Variants in DNAH14 observed in about 807,000 individuals in gnomAD.
The protein encoded by DNAH14 is dynein axonemal heavy chain 14.
A neutral mutation model predicts 520.9 loss-of-function variants in DNAH14; 478 were observed. The ratio of observed to expected loss-of-function variants is 0.92; its 90% CI spans 0.85 to 0.99. The LOEUF is 0.99. DNAH14 is among the 50% of genes least tolerant of loss of function. The probability of loss-of-function intolerance (pLI) is 0.00; values close to 1 mark genes in which losing one functional copy is unlikely to be tolerated. For synonymous variants in DNAH14, 1,581 were observed against 1,757.2 expected (o/e 0.90, Z 2.51); for missense variants, 4,831 against 5,234.5 (o/e 0.92, Z 2.38).
At chr1:225,065,561 T>C (rs966608265) in intron 17 of DNAH14, among the ~76,000 whole-genome samples, 7 of 152,040 alleles carry the variant, frequency 4.6e-5, no homozygotes, top group Non-Finnish European at 8.8e-5. Flanking sequence ...TACTCTCTTC[T>C]TTTATGAATT....
Position 225,144,489 on chromosome 1 carries a change from G to A in DNAH14, c.4601G>A (p.Cys1534Tyr), listed in dbSNP as rs1032338764. 1.2e-5 allele frequency: 18 copies of A among 1,551,382 alleles called. No individual in the cohort carries two copies. The African/African-American group carries it at 2.2e-4, about 19-fold the overall frequency. Residue 1534 changes from cysteine (C) to tyrosine (Y), a missense_variant, in exon 29 of 86, where the codon TGT becomes TAT. Transcript: ENST00000682510. The part of the protein sequence containing the change: ...SFTYGYEYLG[C>Y]TSRLVITPLT... ...ACTTATGGCTATGAGTACTTGGGCT[G>A]TACCTCAAGATTGGTTATTACGCCT...
chr1:224,967,521 T>C lies in DNAH14; in HGVS notation c.589T>C (p.Ser197Pro). Residue 197 changes from serine to proline, a missense_variant, in exon 6 of 86, where the codon TCG (serine) becomes CCG (proline). Coordinates refer to ENST00000682510, the MANE Select transcript of DNAH14 (RefSeq NM_001367479.1). Reference sequence around the variant, plus strand: ...CAATCCATATGATCTTCAGGTAGTATCGGCTCATACTGCTAAACATTGCAA... The same window carrying C: ...CAATCCATATGATCTTCAGGTAGTACCGGCTCATACTGCTAAACATTGCAA... ...LYNPYDLQVV[S>P]AHTAKHCKEF... 1 of 1,604,914 alleles carries C rather than the reference T, an allele frequency of 6.2e-7. No individual in the cohort carries two copies. The highest frequency in any genetic ancestry group is 1.7e-4 in the Middle Eastern group (1 of 6,030).
In DNAH14 at chr1:225,237,256, A is replaced by AT. The variant is rs977394166; in HGVS notation, c.6519-3327dup. Reference sequence around the variant, plus strand: ...GCATTTTTATGGAGGCTCATAAAGGATTTTTTTTTTCTAGATTTAGTGCTT... The same window carrying AT: ...GCATTTTTATGGAGGCTCATAAAGGATTTTTTTTTTTCTAGATTTAGTGCTT... On this transcript the variant is annotated intron_variant, in intron 42 of 85. Transcript: ENST00000682510. Among the ~76,000 whole-genome samples, 82 of 150,292 alleles carry AT rather than the reference A, an allele frequency of 5.5e-4. 1 individual carries two copies. The highest frequency in any genetic ancestry group is 1.6e-3 in the African/African-American group (66 of 40,988).
At chr1:225,129,738 C>T (rs2078173581) in intron 27 of DNAH14, among the ~76,000 whole-genome samples, 1 of 151,810 alleles carries the variant, frequency 6.6e-6, no homozygotes, top group Non-Finnish European at 1.5e-5. Context: ...TAGGCATTAC[C>T]ATTCAGGACA....
chr1:225,366,398 ACT>A (rs906807622), intron 76 of DNAH14, among the ~76,000 whole-genome samples: 8 of 151,724 alleles, frequency 5.3e-5, no homozygotes, highest in Non-Finnish European at 1.0e-4. Context: ...ATTAACACAC[ACT>A]CTCTCTTCTC....
At position 225,019,095 on chromosome 1, in the gene DNAH14, T is replaced by C. The variant is rs189484499; in HGVS notation, c.1108-4520T>C. The stretch of plus-strand genomic sequence containing the variant: ...ATATTGACCTTGAATGTAAATGGGC[T>C]AAATGCCCCACTTTAAAGGCCAACT... On this transcript the variant is annotated intron_variant, in intron 10 of 85. Transcript: ENST00000682510. Among the ~76,000 whole-genome samples, 162 of 152,318 alleles carry C rather than the reference T, an allele frequency of 1.1e-3. 1 individual carries two copies. The highest frequency in any genetic ancestry group is 3.4e-3 in the Middle Eastern group (1 of 294).
At chr1:225,327,015 A>G (rs1048310807) in intron 64 of DNAH14, among the ~76,000 whole-genome samples, 6 of 152,204 alleles carry the variant, frequency 3.9e-5, no homozygotes, top group Non-Finnish European at 5.9e-5. Flanking sequence ...ACAACACAAT[A>G]CACATTCTTC....
At chr1:225,245,552 G>A (rs2092233929) in intron 43 of DNAH14, among the ~76,000 whole-genome samples, 1 of 151,942 alleles carries the variant, frequency 6.6e-6, no homozygotes, top group Admixed American at 6.6e-5. Flanking sequence ...ACCAATATAG[G>A]CAATATATTG....
At chr1:225,096,655 A>G (rs902628077) in intron 21 of DNAH14, among the ~76,000 whole-genome samples, 10 of 152,330 alleles carry the variant, frequency 6.6e-5, no homozygotes, top group African/African-American at 2.4e-4. Flanking sequence ...ATGAAATGCA[A>G]GTTATAAAAC....
At position 225,080,747 on chromosome 1, in the gene DNAH14, A is replaced by T; in HGVS notation, c.3135A>T (p.Lys1045Asn). 1 of 1,504,254 alleles carries T rather than the reference A, an allele frequency of 6.6e-7. No homozygotes were observed. The highest frequency in any genetic ancestry group is 8.9e-7 in the Non-Finnish European group (1 of 1,125,778). The allele number at this position is 1,504,254 out of a possible 1,614,324, so 93.2% of individuals were successfully genotyped here. A position where few individuals can be genotyped will look rare whatever the true frequency, so the allele number is the denominator to read the frequency against. Reference protein sequence around the residue: ...KLMHIISVLEKGLPKSDMVTH... With the variant: ...KLMHIISVLENGLPKSDMVTH... ...TGCACATAATCTCGGTACTAGAAAA[A>T]GGTAAAAATGTGTTTCTCAAATTTT... Residue 1045 changes from lysine to asparagine, a missense_variant and splice_region_variant, in exon 19 of 86, where the codon AAA becomes AAT. Physicochemically the swap from Lys to Asn is moderately conservative, Grantham distance 94. Transcript: ENST00000682510.
Position 225,374,789 on chromosome 1 carries a change from G to A in DNAH14, c.12420G>A (p.Val4140=). The A allele has an allele frequency of 6.4e-7, 1 of 1,551,622 alleles. No individual in the cohort carries two copies. The highest frequency in any genetic ancestry group is 8.7e-7 in the Non-Finnish European group (1 of 1,146,964). ...GAGAAGTGATTTACGGTGGCCGGGTGATTGATAATTGGGACAAGCGATGCT... is the reference window on the plus strand; with the variant it reads ...GAGAAGTGATTTACGGTGGCCGGGTAATTGATAATTGGGACAAGCGATGCT... The part of the protein sequence containing the change: ...LIGEVIYGGR[V]IDNWDKRCLK... Residue 4140 remains valine (V), a synonymous_variant, in exon 78 of 86, where the codon GTG becomes GTA. Coordinates refer to ENST00000682510, the MANE Select transcript of DNAH14 (RefSeq NM_001367479.1).
intron 32 of DNAH14, among the ~76,000 whole-genome samples, chr1:225,152,287 A>G (rs1329716966): frequency 6.6e-6 from 1 of 152,182 alleles, no homozygotes; most frequent in Admixed American, 6.5e-5. Flanking sequence ...AGCTACTGAC[A>G]TATTTTTACT....
Position 225,340,704 on chromosome 1 carries a change from A to T in DNAH14, c.10678+3A>T. 6.5e-7 allele frequency: 1 copy of T among 1,550,194 alleles called. No individual in the cohort carries two copies. Among genetic ancestry groups the T allele is most frequent in the Non-Finnish European group, 8.7e-7 (1 of 1,146,190 alleles). ...AAATTTACTGCAGAAAGCACTAGGTAAGTCAAGATATTTAGTGATAGTAAG... is the reference window on the plus strand; with the variant it reads ...AAATTTACTGCAGAAAGCACTAGGTTAGTCAAGATATTTAGTGATAGTAAG... On this transcript the variant is annotated splice_donor_region_variant and intron_variant, in intron 69 of 85. Transcript: ENST00000682510.
chr1:225,101,896 T>TC (rs2075502383), intron 23 of DNAH14, among the ~76,000 whole-genome samples: 1 of 123,268 alleles, frequency 8.1e-6, no homozygotes, highest in South Asian at 2.2e-4. Flanking sequence ...TGCTGAATCT[T>TC]TTTTTTTTTT....
intron 78 of DNAH14, among the ~76,000 whole-genome samples, chr1:225,375,217 G>A (rs996796703): frequency 1.4e-4 from 22 of 152,110 alleles, no homozygotes; most frequent in Non-Finnish European, 1.2e-4. Context: ...TAACCATGGG[G>A]AATAGATGCT....
At chr1:225,044,822 G>A (rs1347546973) in intron 15 of DNAH14, among the ~76,000 whole-genome samples, 1 of 152,094 alleles carries the variant, frequency 6.6e-6, no homozygotes, top group East Asian at 1.9e-4. Context: ...TTCTTGCTGA[G>A]TAAAATCCAG....
intron 84 of DNAH14, chr1:225,395,750 GA>G (rs2096003118): frequency 6.6e-6 from 1 of 152,300 alleles, no homozygotes; most frequent in Non-Finnish European, 1.5e-5. Flanking sequence ...GTCCACTGGG[GA>G]TACTTCTTGT....
intron 7 of DNAH14, 142 bp downstream of exon 7, chr1:224,969,016 A>G: frequency 1.8e-6 from 1 of 547,946 alleles, no homozygotes; most frequent in Non-Finnish European, 3.2e-6. Context: ...TTTACGGAAC[A>G]CCCCATTTCC....
chr1:225,050,636 C>T (rs1030254501), intron 16 of DNAH14, among the ~76,000 whole-genome samples: 1 of 152,156 alleles, frequency 6.6e-6, no homozygotes, highest in Non-Finnish European at 1.5e-5. Context: ...GTTGACTTGC[C>T]ATACCTCAAC....
Sources: gnomAD v4.1 joint callset for allele counts (sites outside exome capture counted in the v4.1 genomes callset) on GRCh38, gnomAD v4.1.1 for gene constraint, MANE v1.5 for transcripts, NCBI Gene and HGNC (gene_info 2026-07-23, HGNC 2026-07-21) for gene names.